Variants in SNX25 observed in about 807,000 individuals in gnomAD.
The protein encoded by SNX25 is sorting nexin 25.
A neutral mutation model predicts 113.7 loss-of-function variants in SNX25; 62 were observed. That is an observed-to-expected ratio of 0.55 (90% CI 0.44 to 0.67). SNX25 has a LOEUF of 0.67. Ranked by LOEUF, SNX25 falls within the 30% of genes least tolerant of loss-of-function variation. SNX25 has a pLI of 0.00. For synonymous variants in SNX25, 421 were observed against 436.2 expected, an observed-to-expected ratio of 0.97 and a Z score of 0.43; for missense variants, 1,014 against 1,161.0, an observed-to-expected ratio of 0.87 and a Z score of 1.84.
At chr4:185,325,296 G>A (rs1443431734) in intron 9 of SNX25, among the ~76,000 whole-genome samples, 6 of 152,102 alleles carry the variant, frequency 3.9e-5, no homozygotes, top group African/African-American at 1.4e-4. Context: ...CACTTTAGGA[G>A]GCTGAGGTGG....
downstream of SNX25, chr4:185,366,423 A>G (rs1290828540): frequency 6.6e-6 from 1 of 152,218 alleles, no homozygotes; most frequent in Non-Finnish European, 1.5e-5. Flanking sequence ...CTGCATATGT[A>G]TGTAGCAGTT....
chr4:185,244,135 C>T (rs1744491749), intron 1 of SNX25, among the ~76,000 whole-genome samples: 2 of 152,260 alleles, frequency 1.3e-5, no homozygotes, highest in South Asian at 4.2e-4. Context: ...GTAGCTGGGA[C>T]TACAGGTGCC....
At chr4:185,374,646 A>G (rs910063884), downstream of SNX25, among the ~76,000 whole-genome samples, 4 of 152,154 alleles carry the variant, frequency 2.6e-5, no homozygotes, top group African/African-American at 7.2e-5. Flanking sequence ...AAGAATCTCT[A>G]AAAGTACATC....
chr4:185,255,641 G>A (rs1342551708), intron 2 of SNX25, among the ~76,000 whole-genome samples: 2 of 152,130 alleles, frequency 1.3e-5, no homozygotes, highest in East Asian at 1.9e-4. Flanking sequence ...TCTAGTGGAC[G>A]AGGATGCTAT....
At chr4:185,289,518 C>G (rs1751853409) in intron 6 of SNX25, among the ~76,000 whole-genome samples, 1 of 152,074 alleles carries the variant, frequency 6.6e-6, no homozygotes, top group Admixed American at 6.5e-5. Flanking sequence ...GGGAGAGAAG[C>G]CAAACACGAG....
intron 12 of SNX25, among the ~76,000 whole-genome samples, chr4:185,343,546 A>G (rs2095270595): frequency 6.6e-6 from 1 of 152,240 alleles, no homozygotes; most frequent in African/African-American, 2.4e-5. Flanking sequence ...AACCGATCCC[A>G]GAGCTTAACT....
At chr4:185,313,846 A>G (rs2095049621) in intron 7 of SNX25, among the ~76,000 whole-genome samples, 1 of 152,192 alleles carries the variant, frequency 6.6e-6, no homozygotes, top group African/African-American at 2.4e-5. Context: ...GTTAACACAG[A>G]TCTTGTATGT....
rs1159309633 is a variant in SNX25 at position 185,210,361 on chromosome 4, C to T, written c.429+106C>T. The T allele has an allele frequency of 2.1e-5, 21 of 978,216 alleles. No individual in the cohort carries two copies. The highest frequency in any genetic ancestry group is 2.5e-5 in the Non-Finnish European group (21 of 825,396). 60.6% of individuals were successfully genotyped at this position (978,216 alleles called of 1,614,324 possible). ...GGGCCGCGGCATGCCCTTGTCGAAG[C>T]GGGAAGCCGGGAGCCAGGGGGCTGG... On this transcript the variant is annotated intron_variant, in intron 1 of 18. Transcript: ENST00000652585. This position sits in a 1 kb window ranked among gnomAD's most constrained non-coding sequence, Gnocchi z 4.4.
chr4:185,341,920 T>G lies in SNX25; in HGVS notation c.2047-56T>G. 4 of 1,538,644 alleles carry G rather than the reference T, an allele frequency of 2.6e-6. No homozygotes were observed. The South Asian group carries it at 5.2e-5, about 20-fold the overall frequency. On this transcript the variant is annotated intron_variant, in intron 11 of 18. Coordinates refer to ENST00000652585, the MANE Select transcript of SNX25 (RefSeq NM_001378034.2). Reference sequence around the variant, plus strand: ...TTAGGGGGACACTTACAGATCTTCCTTCTGCATCCATTCACCATGCTTTTT... The same window carrying G: ...TTAGGGGGACACTTACAGATCTTCCGTCTGCATCCATTCACCATGCTTTTT...
intron 2 of SNX25, among the ~76,000 whole-genome samples, chr4:185,253,477 T>G (rs1745963738): frequency 6.6e-6 from 1 of 151,814 alleles, no homozygotes; most frequent in Non-Finnish European, 1.5e-5. Flanking sequence ...TTTCTTCTTT[T>G]TTTTTTTTGA....
At chr4:185,330,977 A>G (rs1475778743) in intron 9 of SNX25, among the ~76,000 whole-genome samples, 2 of 152,198 alleles carry the variant, frequency 1.3e-5, no homozygotes, top group Non-Finnish European at 2.9e-5. Context: ...ATTCAAATTA[A>G]TTAAAATATC....
rs749110087 is a variant in SNX25 at position 185,264,546 on chromosome 4, C to G, written c.840C>G (p.Leu280=). ...CTCGGGTTCTGGTGTTTTGTCTCCT[C>G]CCCTCAAAGGATGTGCAGTCTCTCA... ...TCSRVLVFCL[L]PSKDVQSLSL... The change falls in exon 4 of 19, where the codon CTC becomes CTG. Residue 280 remains leucine, a synonymous_variant. Coordinates refer to ENST00000652585, the MANE Select transcript of SNX25 (RefSeq NM_001378034.2). 6.2e-7 allele frequency: 1 copy of G among 1,614,016 alleles called. No individual in the cohort carries two copies. The highest frequency in any genetic ancestry group is 8.5e-7 in the Non-Finnish European group (1 of 1,179,954).
rs114022355 is a variant in SNX25 at position 185,302,662 on chromosome 4, C to T, written c.1163-7973C>T. The stretch of plus-strand genomic sequence containing the variant: ...ATGTGAGGATGTGGTGCGGAGACGC[C>T]GACTCTGCCAGCACCTTGCTTGTGG... On this transcript the variant is annotated intron_variant, in intron 6 of 18. Coordinates refer to ENST00000652585, the MANE Select transcript of SNX25 (RefSeq NM_001378034.2). 1.1e-3 allele frequency among the ~76,000 whole-genome samples: 169 copies of T among 152,334 alleles called. 1 individual carries two copies. Among genetic ancestry groups the T allele is most frequent in the African/African-American group, 3.8e-3 (158 of 41,572 alleles).
downstream of SNX25, chr4:185,374,402 G>C (rs1192835738): frequency 6.2e-7 from 1 of 1,614,050 alleles, no homozygotes; most frequent in Admixed American, 1.7e-5. Context: ...CAAATTTTAA[G>C]TGTCTTGCTT....
downstream of SNX25, chr4:185,370,954 G>T (rs145578803): frequency 4.9e-3 from 4,318 of 888,002 alleles, 132 homozygotes; most frequent in African/African-American, 0.063. Context: ...GCTGTGTGGG[G>T]AAGGGTCCAT....
intron 9 of SNX25, among the ~76,000 whole-genome samples, chr4:185,326,741 G>A (rs1200648563): frequency 6.6e-6 from 1 of 152,052 alleles, no homozygotes; most frequent in African/African-American, 2.4e-5. Flanking sequence ...TTATATTAGT[G>A]TGCTATTAAT....
Position 185,259,660 on chromosome 4 carries a change from A to G in SNX25, c.731+596A>G, listed in dbSNP as rs560954316. Among the ~76,000 whole-genome samples, 21 of 152,326 alleles carry G rather than the reference A, an allele frequency of 1.4e-4. No homozygotes were observed. In the South Asian group the frequency reaches 3.9e-3, roughly 29 times the overall value. On this transcript the variant is annotated intron_variant, in intron 3 of 18. Transcript: ENST00000652585. ...AGAAATTTCATTATGAAAGTAGCTA[A>G]TATTTAGGCTTGTTAGCCCTTCGTA...
At position 185,288,643 on chromosome 4, in the gene SNX25, A is replaced by G. The variant is rs116237946; in HGVS notation, c.1162+561A>G. ...GGGTGGTGTATATATATATTGCTCT[A>G]TCTTTTTCTTCCTGTTTGTTTCTCT... On this transcript the variant is annotated intron_variant, in intron 6 of 18. Coordinates refer to ENST00000652585, the MANE Select transcript of SNX25 (RefSeq NM_001378034.2). Among the ~76,000 whole-genome samples, 165 of 151,176 alleles carry G rather than the reference A, an allele frequency of 1.1e-3. 3 individuals carry two copies. The highest frequency in any genetic ancestry group is 1.3e-3 in the Non-Finnish European group (91 of 67,862).
At chr4:185,211,719 A>T (rs1417127257) in intron 1 of SNX25, among the ~76,000 whole-genome samples, 1 of 152,216 alleles carries the variant, frequency 6.6e-6, no homozygotes, top group Non-Finnish European at 1.5e-5. Context: ...ATAGTGATAA[A>T]TGCTTTTGAA....
Sources: gnomAD v4.1 joint callset for allele counts (sites outside exome capture counted in the v4.1 genomes callset) on GRCh38, gnomAD v4.1.1 for gene constraint, Gnocchi (gnomAD v3.1) non-coding constraint, MANE v1.5 for transcripts, NCBI Gene and HGNC (gene_info 2026-07-23, HGNC 2026-07-21) for gene names.